The following SPATA13 variants were observed in gnomAD, a reference collection of about 807,000 sequenced individuals.
SPATA13 encodes spermatogenesis associated 13, also known as spermatogenesis-associated protein 13.
SPATA13 carries 50 observed loss-of-function variants against 104.0 expected under a neutral mutation model. The ratio of observed to expected loss-of-function variants is 0.48; its 90% CI spans 0.38 to 0.61. The LOEUF (loss-of-function observed/expected upper bound fraction) is 0.61, where lower values mean the gene tolerates loss of function less well. Ranked by LOEUF, SPATA13 falls within the 20% of genes least tolerant of loss-of-function variation. The probability of loss-of-function intolerance (pLI) is 0.00; values close to 1 mark genes in which losing one functional copy is unlikely to be tolerated. For synonymous variants in SPATA13, 606 were observed against 667.5 expected (o/e 0.91, Z 1.42); for missense variants, 1,524 against 1,690.6 (o/e 0.90, Z 1.73).
chr13:24,287,036 GC>G (rs968643103), intron 7 of SPATA13, 86 bp downstream of exon 7: 31 of 1,035,626 alleles, frequency 3.0e-5, no homozygotes, highest in African/African-American at 8.1e-5. Flanking sequence ...TCCACCCCCC[GC>G]CCCCCCATCA....
In SPATA13 at chr13:24,230,388, C is replaced by T. The variant is rs149719545; in HGVS notation, c.1653+5806C>T. On this transcript the variant is annotated intron_variant, in intron 2 of 12. Coordinates refer to ENST00000382108, the MANE Select transcript of SPATA13 (RefSeq NM_001166271.3). ...GTAAGTGCCGCAGGAGCCCCAAAGG[C>T]GGCAGAATGAAGAACTCTGGCTGGA... Among the ~76,000 whole-genome samples the T allele has an allele frequency of 6.8e-3, 1,039 of 152,206 alleles. 40 individuals carry two copies. The highest frequency in any genetic ancestry group is 0.061 in the Admixed American group (926 of 15,292).
intron 3 of SPATA13, among the ~76,000 whole-genome samples, chr13:24,062,059 C>T (rs11619017): frequency 0.47 from 71,685 of 151,928 alleles, 18,004 homozygotes; most frequent in Non-Finnish European, 0.56. Flanking sequence ...GTGTTATGTG[C>T]GATGGAAGCG....
chr13:24,159,503 C>T (rs558967132), upstream of SPATA13, among the ~76,000 whole-genome samples: 10 of 152,240 alleles, frequency 6.6e-5, no homozygotes, highest in Admixed American at 5.9e-4. Context: ...CCTCACGCCC[C>T]TCCCTCCACA....
In SPATA13 at chr13:24,161,398, C is replaced by G. The variant is rs952751491; in HGVS notation, c.-112+466C>G. Among the ~76,000 whole-genome samples, 1 of 152,138 alleles carries G rather than the reference C, an allele frequency of 6.6e-6. No homozygotes were observed. The highest frequency in any genetic ancestry group is 2.4e-5 in the African/African-American group (1 of 41,428). On this transcript the variant is annotated intron_variant, in intron 1 of 12. Coordinates refer to ENST00000382108, the MANE Select transcript of SPATA13 (RefSeq NM_001166271.3). The surrounding 1 kb of genome is among the most constrained non-coding windows in gnomAD (Gnocchi z 4.5). ...GTGCCTCCGGGGACCCGGAGCGATG[C>G]GGTTGGAGAGCTTAGTTTAGAAAGC...
intron 4 of SPATA13, among the ~76,000 whole-genome samples, chr13:24,272,288 C>T (rs866057743): frequency 1.1e-4 from 16 of 152,332 alleles, no homozygotes; most frequent in Non-Finnish European, 2.1e-4. Flanking sequence ...GGTGCTCCCT[C>T]GGTGCTGCTG....
At chr13:24,017,017 C>CA (rs1316485073) in intron 2 of SPATA13, among the ~76,000 whole-genome samples, 1 of 152,172 alleles carries the variant, frequency 6.6e-6, no homozygotes, top group African/African-American at 2.4e-5. Flanking sequence ...CTCAGGAAGG[C>CA]AGGAGGTAGT....
intron 3 of SPATA13, among the ~76,000 whole-genome samples, chr13:24,153,783 A>G (rs1445125837): frequency 2.6e-5 from 4 of 152,222 alleles, no homozygotes; most frequent in Non-Finnish European, 4.4e-5. Flanking sequence ...GATGACCACT[A>G]AAAATTACTG....
intron 3 of SPATA13, among the ~76,000 whole-genome samples, chr13:24,102,270 C>T (rs539670098): frequency 3.3e-5 from 5 of 152,156 alleles, no homozygotes; most frequent in South Asian, 2.1e-4. Context: ...TGTCTACTTG[C>T]GTATCTTCTT....
At position 23,984,511 on chromosome 13, in the gene SPATA13, T is replaced by C. The variant is rs1258343970; in HGVS notation, c.-147+578T>C. 2.0e-5 allele frequency among the ~76,000 whole-genome samples: 3 copies of C among 152,334 alleles called. No homozygotes were observed. The East Asian group carries it at 5.8e-4, about 29-fold the overall frequency. On this transcript the variant is annotated intron_variant, in intron 2 of 14. Transcript: ENST00000424834. ...TTCTATCATGGCCCCGCGCAGCACC[T>C]GTCCTTCCCACCGTGAGTGGTGGAG...
intron 11 of SPATA13, 78 bp from the exon 12 acceptor site, chr13:24,300,323 T>C (rs1343167989): frequency 1.9e-5 from 21 of 1,107,406 alleles, no homozygotes; most frequent in Non-Finnish European, 2.8e-5. Flanking sequence ...TCAATGCTGA[T>C]ATGGGCTGTG....
intron 1 of SPATA13, among the ~76,000 whole-genome samples, chr13:24,193,909 A>AT (rs1869908946): frequency 1.3e-5 from 2 of 152,114 alleles, no homozygotes; most frequent in African/African-American, 4.8e-5. Flanking sequence ...AGTAATTGGG[A>AT]TTTTAACACA....
At chr13:23,991,222 C>T (rs1875397721) in intron 2 of SPATA13, among the ~76,000 whole-genome samples, 1 of 152,158 alleles carries the variant, frequency 6.6e-6, no homozygotes, top group Admixed American at 6.5e-5. Context: ...CAAGGGCAGC[C>T]CGTCTAAGAA....
At chr13:24,230,291 A>C (rs1334669211) in intron 2 of SPATA13, among the ~76,000 whole-genome samples, 1 of 152,230 alleles carries the variant, frequency 6.6e-6, no homozygotes, top group Non-Finnish European at 1.5e-5. Flanking sequence ...TCATGGGTTC[A>C]GAGCCTAGCT....
rs78008132 is a variant in SPATA13, at chr13:24,117,057, G to A, written c.-112+99356G>A. The stretch of plus-strand genomic sequence containing the variant: ...AGTTAATGTCTATTATTTAAGCCAC[G>A]CAGTCTATGGAATTTTGTTAGAGCC... On this transcript the variant is annotated intron_variant, in intron 3 of 14. Coordinates refer to the SPATA13 transcript ENST00000424834. Among the ~76,000 whole-genome samples, 652 of 152,260 alleles carry A rather than the reference G, an allele frequency of 4.3e-3. 12 individuals are homozygous for A. In the East Asian group the frequency reaches 0.07, roughly 16 times the overall value.
intron 3 of SPATA13, among the ~76,000 whole-genome samples, chr13:24,107,062 A>C (rs1211111625): frequency 6.6e-6 from 1 of 151,868 alleles, no homozygotes; most frequent in Non-Finnish European, 1.5e-5. Flanking sequence ...CGGGGAAAAA[A>C]AAAAGGAAGA....
chr13:23,982,773 G>C (rs543437520), intron 1 of SPATA13, among the ~76,000 whole-genome samples: 114 of 152,252 alleles, frequency 7.5e-4, no homozygotes, highest in African/African-American at 2.6e-3. Context: ...AGTCAGACAG[G>C]GTCACCCAGA....
rs149143872 is a variant in SPATA13, at chr13:24,051,743, T to TA, written c.-112+34043dup. ...GGTGGGAGCTTTAGGGGGGAAGTGG[T>TA]AGCGATTGGAGTCAGAGGCAGCAGT... is the stretch of plus-strand genomic sequence containing the variant. On this transcript the variant is annotated intron_variant, in intron 3 of 14. Transcript: ENST00000424834. The surrounding 1 kb of genome is among the most constrained non-coding windows in gnomAD (Gnocchi z 4.2). Among the ~76,000 whole-genome samples, 10,416 of 152,160 alleles carry TA rather than the reference T, an allele frequency of 0.068. 423 individuals are homozygous for TA. The highest frequency in any genetic ancestry group is 0.11 in the African/African-American group (4,399 of 41,494).
chr13:24,178,367 A>G (rs1868567907), intron 1 of SPATA13, among the ~76,000 whole-genome samples: 1 of 152,198 alleles, frequency 6.6e-6, no homozygotes, highest in South Asian at 2.1e-4. Flanking sequence ...ATGAGTAGAC[A>G]TCATTTTGAT....
intron 1 of SPATA13, among the ~76,000 whole-genome samples, chr13:24,164,106 T>C (rs991990363): frequency 2.6e-5 from 4 of 152,246 alleles, no homozygotes; most frequent in African/African-American, 9.6e-5. Flanking sequence ...AGGGAAACTA[T>C]ATAATACATG....
Sources: allele counts gnomAD v4.1 joint callset (sites outside exome capture counted in the v4.1 genomes callset), GRCh38; gene constraint gnomAD v4.1.1; non-coding constraint Gnocchi (gnomAD v3.1); transcripts MANE v1.5; gene names NCBI Gene and HGNC (gene_info 2026-07-23, HGNC 2026-07-21).